TIGAR: variants seen among roughly 807,000 people sequenced by gnomAD.
TIGAR encodes fructose-2,6-bisphosphatase TIGAR.
TIGAR carries 7 observed loss-of-function variants against 17.9 expected under a neutral mutation model. The observed-to-expected ratio is 0.39, with a 90% CI of 0.22 to 0.73. TIGAR has a LOEUF of 0.73. TIGAR is among the 30% of genes least tolerant of loss of function. The pLI is 0.42. For missense variants in TIGAR, 258 were observed against 327.4 expected, an observed-to-expected ratio of 0.79 and a Z score of 1.64; for synonymous variants, 94 against 108.6, an observed-to-expected ratio of 0.87 and a Z score of 0.84.
At chr12:4,334,939 A>T (rs919647235) in intron 2 of TIGAR, among the ~76,000 whole-genome samples, 4 of 151,728 alleles carry the variant, frequency 2.6e-5, no homozygotes, top group African/African-American at 9.7e-5. Context: ...ATCTAGGAGG[A>T]ATTTTTTTTT....
Position 4,358,356 on chromosome 12 carries a change from T to C in TIGAR, c.*5665T>C, listed in dbSNP as rs1319369677. Among the ~76,000 whole-genome samples the C allele has an allele frequency of 1.3e-5, 2 of 151,610 alleles. No homozygotes were observed. Among genetic ancestry groups the C allele is most frequent in the Non-Finnish European group, 2.9e-5 (2 of 67,942 alleles). ...TCCTCATAGAGAATAATTACAGTAATGTGTATGTGCGTGTGTTTTGGTAAT... is the reference window on the plus strand; with the variant it reads ...TCCTCATAGAGAATAATTACAGTAACGTGTATGTGCGTGTGTTTTGGTAAT... On this transcript the variant is annotated 3_prime_UTR_variant, in exon 6 of 6. Transcript: ENST00000179259.
At chr12:4,346,435 A>T (rs546651110) in intron 3 of TIGAR, among the ~76,000 whole-genome samples, 1 of 152,342 alleles carries the variant, frequency 6.6e-6, no homozygotes, top group East Asian at 1.9e-4. Context: ...ATAAAAAAGG[A>T]TGAGTTCATG....
In TIGAR at chr12:4,354,496, C is replaced by T. The variant is rs1207452408; in HGVS notation, c.*1805C>T. 3 of 151,942 alleles carry T rather than the reference C, an allele frequency of 2.0e-5. No homozygotes were observed. The highest frequency in any genetic ancestry group is 7.3e-5 in the African/African-American group (3 of 41,376). The allele number at this position is 151,942 out of a possible 1,614,324, so 9.4% of individuals were successfully genotyped here. On this transcript the variant is annotated 3_prime_UTR_variant, in exon 6 of 6. Transcript: ENST00000179259. ...CACCTGTTCATCTGCTTGCAATGTT[C>T]ATCTGTTCCTTATATTTTCACCTAG...
In TIGAR at chr12:4,352,301, A is replaced by G. The variant is rs1864845003; in HGVS notation, c.423A>G (p.Gln141=). The G allele has an allele frequency of 6.2e-7, 1 of 1,613,680 alleles. No individual in the cohort carries two copies. The highest frequency in any genetic ancestry group is 8.5e-7 in the Non-Finnish European group (1 of 1,179,782). ...TAGACTTTTTTGAATTTCTTTGTCA[A>G]CTAATCCTGAAAGAAGCGGATCAAA... ...RGIDFFEFLC[Q]LILKEADQKE... The change falls in exon 6 of 6, where the codon CAA becomes CAG. Residue 141 remains glutamine (Q), a synonymous_variant. Transcript: ENST00000179259.
At chr12:4,332,278 T>G (rs565126416) in intron 2 of TIGAR, among the ~76,000 whole-genome samples, 1 of 133,618 alleles carries the variant, frequency 7.5e-6, no homozygotes, top group Non-Finnish European at 1.5e-5. Flanking sequence ...GGTCTCACTG[T>G]GCCGCCCAAC....
intron 2 of TIGAR, among the ~76,000 whole-genome samples, chr12:4,334,907 A>G (rs1258717613): frequency 6.6e-6 from 1 of 151,802 alleles, no homozygotes; most frequent in Non-Finnish European, 1.5e-5. Context: ...CAATTTTGAT[A>G]TTCTTTAGTT....
rs1279028809 is a variant in TIGAR, at chr12:4,321,997, T to A, written c.32+694T>A. ...AGTTAAGAGCACAGATTTTTATTTT[T>A]ATTTTTTTTTTTTTGTGAGATGGAG... On this transcript the variant is annotated intron_variant, in intron 1 of 5. Transcript: ENST00000179259. This position sits in a 1 kb window ranked among gnomAD's most constrained non-coding sequence, Gnocchi z 5.2. Among the ~76,000 whole-genome samples the A allele has an allele frequency of 7.4e-4, 85 of 115,186 alleles. No individual in the cohort carries two copies. Among genetic ancestry groups the A allele is most frequent in the Non-Finnish European group, 1.4e-4 (7 of 51,414 alleles). 75.6% of individuals were successfully genotyped at this position (115,186 alleles called of 152,430 possible). A position where few individuals can be genotyped will look rare whatever the true frequency, so the allele number is the denominator to read the frequency against.
Position 4,330,333 on chromosome 12 carries a change from C to T in TIGAR, c.33-947C>T, listed in dbSNP as rs527685051. Among the ~76,000 whole-genome samples the T allele has an allele frequency of 5.3e-5, 8 of 152,264 alleles. No individual in the cohort carries two copies. The South Asian group carries it at 1.5e-3, about 28-fold the overall frequency. On this transcript the variant is annotated intron_variant, in intron 1 of 5. Coordinates refer to ENST00000179259, the MANE Select transcript of TIGAR (RefSeq NM_020375.3). ...CCAGATTGGTACAAATTGAAGAAACCTTCCATCACTGAATCTTGTTGAGGG... is the reference window on the plus strand; with the variant it reads ...CCAGATTGGTACAAATTGAAGAAACTTTCCATCACTGAATCTTGTTGAGGG...
chr12:4,330,061 A>G lies in TIGAR; in HGVS notation c.33-1219A>G, dbSNP rs557501117. Among the ~76,000 whole-genome samples, 202 of 152,270 alleles carry G rather than the reference A, an allele frequency of 1.3e-3. 1 individual carries two copies. The highest frequency in any genetic ancestry group is 4.4e-3 in the African/African-American group (182 of 41,548). On this transcript the variant is annotated intron_variant, in intron 1 of 5. Coordinates refer to ENST00000179259, the MANE Select transcript of TIGAR (RefSeq NM_020375.3). ...ATATTGGCCAAATCCAGCAATCTGT[A>G]TCTTGGCAGAGGTTGGCATACAGCT...
At chr12:4,322,172 T>G (rs1011368894) in intron 1 of TIGAR, among the ~76,000 whole-genome samples, 1 of 152,128 alleles carries the variant, frequency 6.6e-6, no homozygotes, top group Non-Finnish European at 1.5e-5. Context: ...AATTTTTGTA[T>G]TTTTAGTAGA....
In TIGAR at chr12:4,357,150, A is replaced by T. The variant is rs1405153004; in HGVS notation, c.*4459A>T. Among the ~76,000 whole-genome samples the T allele has an allele frequency of 6.6e-6, 1 of 152,258 alleles. No homozygotes were observed. Among genetic ancestry groups the T allele is most frequent in the Non-Finnish European group, 1.5e-5 (1 of 68,040 alleles). On this transcript the variant is annotated 3_prime_UTR_variant, in exon 6 of 6. Coordinates refer to ENST00000179259, the MANE Select transcript of TIGAR (RefSeq NM_020375.3). ...CACACCCATTCCATGGCTTAGGCTT[A>T]TGCAGGAAGTGCAATATTTGGCCAT...
rs1213948289 is a variant in TIGAR, at chr12:4,346,071, A to G, written c.193-3748A>G. 3.9e-5 allele frequency among the ~76,000 whole-genome samples: 6 copies of G among 152,354 alleles called. No individual in the cohort carries two copies. The East Asian group carries it at 9.6e-4, about 24-fold the overall frequency. On this transcript the variant is annotated intron_variant, in intron 3 of 5. Transcript: ENST00000179259. ...CCACAATGAGATACCGTCTCACACC[A>G]GTTAGAATGGCAATCATTAAAAAGT...
rs1189489366 is a variant in TIGAR, at chr12:4,358,824, T to G, written c.*6133T>G. 2.0e-5 allele frequency among the ~76,000 whole-genome samples: 3 copies of G among 152,058 alleles called. No homozygotes were observed. The highest frequency in any genetic ancestry group is 2.9e-5 in the Non-Finnish European group (2 of 68,006). ...TCTTCATGTCCTTCCGTCTACTCCT[T>G]TGCCTTCCTTTGCCCTTCTTTTTTT... On this transcript the variant is annotated 3_prime_UTR_variant, in exon 6 of 6. Coordinates refer to ENST00000179259, the MANE Select transcript of TIGAR (RefSeq NM_020375.3).
intron 1 of TIGAR, among the ~76,000 whole-genome samples, chr12:4,325,108 A>G (rs1220087566): frequency 1.3e-5 from 2 of 151,630 alleles, no homozygotes; most frequent in African/African-American, 4.8e-5. Context: ...ATGCCTGGCT[A>G]CTTTTGTACT....
rs1294025988 is a variant in TIGAR at position 4,352,742 on chromosome 12, C to A, written c.*51C>A. ...CATTTTGAGCCTCTGAAGGGAGTGC[C>A]ATTGGCTTTATTTACTTCTCTCCTC... On this transcript the variant is annotated 3_prime_UTR_variant, in exon 6 of 6. Coordinates refer to ENST00000179259, the MANE Select transcript of TIGAR (RefSeq NM_020375.3). 1 of 1,525,612 alleles carries A rather than the reference C, an allele frequency of 6.6e-7. No individual in the cohort carries two copies. 94.5% of individuals were successfully genotyped at this position (1,525,612 alleles called of 1,614,324 possible). A position where few individuals can be genotyped will look rare whatever the true frequency, so the allele number is the denominator to read the frequency against.
intron 1 of TIGAR, among the ~76,000 whole-genome samples, chr12:4,326,729 T>G: frequency 6.6e-6 from 1 of 152,240 alleles, no homozygotes; most frequent in East Asian, 1.9e-4. Context: ...ATTTTGACAG[T>G]GTAAACCTTT....
intron 1 of TIGAR, among the ~76,000 whole-genome samples, chr12:4,329,208 T>A (rs1470869019): frequency 1.3e-5 from 2 of 152,198 alleles, no homozygotes; most frequent in Non-Finnish European, 2.9e-5. Flanking sequence ...TAGGTAGATA[T>A]GTCACTGTTT....
chr12:4,356,382 G>T lies in TIGAR; in HGVS notation c.*3691G>T, dbSNP rs1489040876. 6.6e-6 allele frequency among the ~76,000 whole-genome samples: 1 copy of T among 151,988 alleles called. No individual in the cohort carries two copies. Among genetic ancestry groups the T allele is most frequent in the African/African-American group, 2.4e-5 (1 of 41,280 alleles). ...TATTTGTAATATTTTCCCGGTTTTT[G>T]ATTGTTTTTTAACAAATGAATTTTT... On this transcript the variant is annotated 3_prime_UTR_variant, in exon 6 of 6. Coordinates refer to ENST00000179259, the MANE Select transcript of TIGAR (RefSeq NM_020375.3).
chr12:4,324,398 A>G (rs918388522), intron 1 of TIGAR: 25 of 1,208,284 alleles, frequency 2.1e-5, no homozygotes, highest in Non-Finnish European at 2.8e-5. Flanking sequence ...AAGCGGGAGG[A>G]GTGGGTGGCC....
Sources: allele counts gnomAD v4.1 joint callset (sites outside exome capture counted in the v4.1 genomes callset), GRCh38; gene constraint gnomAD v4.1.1; non-coding constraint Gnocchi (gnomAD v3.1); transcripts MANE v1.5; gene names NCBI Gene and HGNC (gene_info 2026-07-23, HGNC 2026-07-21).